The following CAMTA1 variants were observed in gnomAD, a reference collection of about 807,000 sequenced individuals.
CAMTA1 encodes calmodulin-binding transcription activator 1.
A neutral mutation model predicts 170.9 loss-of-function variants in CAMTA1; 27 were observed. The ratio of observed to expected loss-of-function variants is 0.16; its 90% CI spans 0.12 to 0.22. CAMTA1 has a LOEUF of 0.22. Ranked by LOEUF, CAMTA1 falls within the 10% of genes least tolerant of loss-of-function variation. CAMTA1 has a pLI of 1.00. For synonymous variants in CAMTA1, 833 were observed against 891.5 expected, an observed-to-expected ratio of 0.93 and a Z score of 1.17; for missense variants, 1,619 against 2,217.2, an observed-to-expected ratio of 0.73 and a Z score of 5.42.
At chr1:7,492,746 C>CGT (rs1557805025) in intron 6 of CAMTA1, among the ~76,000 whole-genome samples, 51 of 147,052 alleles carry the variant, frequency 3.5e-4, no homozygotes, top group Middle Eastern at 3.8e-3. Context: ...CACACACGCG[C>CGT]GCACACACAC....
intron 4 of CAMTA1, among the ~76,000 whole-genome samples, chr1:7,232,046 A>G (rs1662930516): frequency 6.6e-6 from 1 of 152,142 alleles, no homozygotes; most frequent in Admixed American, 6.5e-5. Flanking sequence ...GACACCACCC[A>G]TCGGAGGCTG....
intron 3 of CAMTA1, among the ~76,000 whole-genome samples, chr1:7,017,150 C>T (rs535092228): frequency 1.3e-5 from 2 of 152,342 alleles, no homozygotes; most frequent in African/African-American, 2.4e-5. Context: ...TTTCATTTCT[C>T]AGGACCTCCT....
chr1:7,123,391 C>T (rs937154413), intron 4 of CAMTA1, among the ~76,000 whole-genome samples: 6 of 152,134 alleles, frequency 3.9e-5, no homozygotes, highest in East Asian at 3.9e-4. Context: ...CTAATGATCT[C>T]GTCTTGTCTT....
At chr1:7,056,440 G>A (rs1158375485) in intron 3 of CAMTA1, among the ~76,000 whole-genome samples, 1 of 152,188 alleles carries the variant, frequency 6.6e-6, no homozygotes, top group Non-Finnish European at 1.5e-5. Flanking sequence ...CACCTGAGAG[G>A]CGTTTTGGAG....
intron 6 of CAMTA1, among the ~76,000 whole-genome samples, chr1:7,468,962 T>C (rs1484110154): frequency 6.6e-6 from 1 of 152,144 alleles, no homozygotes; most frequent in Non-Finnish European, 1.5e-5. Flanking sequence ...GTCTGGAAGG[T>C]GCCCACAGGG....
rs979779573 is a variant in CAMTA1 at position 7,565,720 on chromosome 1, G to T, written c.511-74680G>T. Among the ~76,000 whole-genome samples the T allele has an allele frequency of 6.6e-6, 1 of 152,168 alleles. No homozygotes were observed. Among genetic ancestry groups the T allele is most frequent in the African/African-American group, 2.4e-5 (1 of 41,414 alleles). On this transcript the variant is annotated intron_variant, in intron 6 of 22. Transcript: ENST00000303635. The surrounding 1 kb of genome is among the most constrained non-coding windows in gnomAD (Gnocchi z 4.5). ...TATTTTCTGGGGGCTGTTTTATGTT[G>T]TTTGTTTTGTCCTCGTGTCTTAGTC...
intron 4 of CAMTA1, among the ~76,000 whole-genome samples, chr1:7,157,344 C>CAAAAAA (rs57248086): frequency 7.4e-4 from 74 of 99,350 alleles, no homozygotes; most frequent in Non-Finnish European, 9.1e-4. Flanking sequence ...GACTCTGTCT[C>CAAAAAA]AAAAAAAAAA....
chr1:7,381,784 G>A (rs2149068475), intron 5 of CAMTA1, among the ~76,000 whole-genome samples: 2 of 147,798 alleles, frequency 1.4e-5, no homozygotes, highest in Non-Finnish European at 3.0e-5. Flanking sequence ...GTGTAAAAGT[G>A]TTCCTATTTC....
intron 1 of CAMTA1, among the ~76,000 whole-genome samples, chr1:6,792,000 C>T (rs1641242042): frequency 6.6e-6 from 1 of 150,574 alleles, no homozygotes; most frequent in Non-Finnish European, 1.5e-5. Context: ...CTGAGTCTTG[C>T]TTTGTTGCCC....
intron 18 of CAMTA1, 55 bp downstream of exon 18, chr1:7,746,146 A>T: frequency 6.4e-7 from 1 of 1,572,662 alleles, no homozygotes; most frequent in Middle Eastern, 1.7e-4. Flanking sequence ...GAGAGGACAG[A>T]TGAAAGTCAG....
chr1:7,699,523 G>C (rs185806160), intron 11 of CAMTA1, among the ~76,000 whole-genome samples: 15 of 152,144 alleles, frequency 9.9e-5, no homozygotes, highest in African/African-American at 3.6e-4. Flanking sequence ...CATTCTCTTG[G>C]ATATATACCT....
chr1:7,182,253 A>G (rs1325477088), intron 4 of CAMTA1, among the ~76,000 whole-genome samples: 2 of 152,156 alleles, frequency 1.3e-5, no homozygotes, highest in Non-Finnish European at 1.5e-5. Flanking sequence ...TAAAAGTACT[A>G]GAAGTGGCTG....
At chr1:7,315,788 G>A (rs542863282) in intron 5 of CAMTA1, among the ~76,000 whole-genome samples, 2 of 152,318 alleles carry the variant, frequency 1.3e-5, no homozygotes, top group Non-Finnish European at 2.9e-5. Context: ...GATCCTTAGT[G>A]TTCTTGGCTT....
chr1:6,847,736 CT>C (rs555229106), intron 3 of CAMTA1, among the ~76,000 whole-genome samples: 2,782 of 151,016 alleles, frequency 0.018, 37 homozygotes, highest in South Asian at 0.03. Context: ...TGGAGTCCCC[CT>C]CTGTCACCCA....
chr1:7,601,927 C>T (rs1397652728), intron 6 of CAMTA1, among the ~76,000 whole-genome samples: 102 of 149,314 alleles, frequency 6.8e-4, no homozygotes, highest in African/African-American at 2.4e-3. Context: ...AGGAGGAGAC[C>T]GTGGAAAGAG....
rs76627442 is a variant in CAMTA1, at chr1:7,665,249, C to T, written c.2652+50C>T. The T allele has an allele frequency of 0.025, 35,518 of 1,399,078 alleles. 2,847 individuals are homozygous for T. The highest frequency in any genetic ancestry group is 0.24 in the Admixed American group (8,976 of 37,290). The allele number at this position is 1,399,078 out of a possible 1,614,324, so 86.7% of individuals were successfully genotyped here. On this transcript the variant is annotated intron_variant, in intron 9 of 22. Transcript: ENST00000303635. This position sits in a 1 kb window ranked among gnomAD's most constrained non-coding sequence, Gnocchi z 4.3. ...CTGTCACCTCCCCTCCCACCCACCTCGCCAGCCCCTGCGCCACCCTGCAGC... is the reference window on the plus strand; with the variant it reads ...CTGTCACCTCCCCTCCCACCCACCTTGCCAGCCCCTGCGCCACCCTGCAGC...
At chr1:7,512,280 G>C (rs1248863927) in intron 6 of CAMTA1, among the ~76,000 whole-genome samples, 1 of 152,218 alleles carries the variant, frequency 6.6e-6, no homozygotes, top group African/African-American at 2.4e-5. Flanking sequence ...CATCAGTTAT[G>C]TAACATGTGG....
At chr1:7,297,702 G>A (rs902804382) in intron 5 of CAMTA1, among the ~76,000 whole-genome samples, 1 of 152,164 alleles carries the variant, frequency 6.6e-6, no homozygotes, top group Non-Finnish European at 1.5e-5. Context: ...CTTGATTTTT[G>A]CCTTCTCCTA....
At chr1:7,001,965 C>T (rs1296582796) in intron 3 of CAMTA1, among the ~76,000 whole-genome samples, 2 of 147,824 alleles carry the variant, frequency 1.4e-5, no homozygotes, top group African/African-American at 5.0e-5. Flanking sequence ...GGCGCTATCT[C>T]AGCTCACTGC....
Sources: allele counts gnomAD v4.1 joint callset (sites outside exome capture counted in the v4.1 genomes callset), GRCh38; gene constraint gnomAD v4.1.1; non-coding constraint Gnocchi (gnomAD v3.1); transcripts MANE v1.5; gene names NCBI Gene and HGNC (gene_info 2026-07-23, HGNC 2026-07-21).